CNTLN: variants seen among roughly 807,000 people sequenced by gnomAD.
CNTLN encodes centlein, centrosomal protein.
CNTLN carries 212 observed loss-of-function variants against 180.0 expected under a neutral mutation model. That is an observed-to-expected ratio of 1.18 (90% CI 1.05 to 1.32). The LOEUF (loss-of-function observed/expected upper bound fraction) is 1.32, where lower values mean the gene tolerates loss of function less well. CNTLN is among the 40% of genes most tolerant of loss of function. The pLI, the probability that CNTLN is intolerant of heterozygous loss-of-function variation, is 0.00. For missense variants in CNTLN, 2,095 were observed against 1,610.9 expected, an observed-to-expected ratio of 1.30 and a Z score of -5.14; for synonymous variants, 722 against 563.1, an observed-to-expected ratio of 1.28 and a Z score of -3.99.
At chr9:17,258,096 T>A (rs1470086967) in intron 5 of CNTLN, among the ~76,000 whole-genome samples, 1 of 149,658 alleles carries the variant, frequency 6.7e-6, no homozygotes, top group South Asian at 2.1e-4. Context: ...TCTTCTAGGG[T>A]TTTTATGGTT....
intron 6 of CNTLN, 94 bp from the exon 7 acceptor site, chr9:17,298,096 C>T (rs746290514): frequency 9.3e-7 from 1 of 1,074,592 alleles, no homozygotes; most frequent in Admixed American, 3.0e-5. Context: ...AGATGCAAAA[C>T]AGGATGCCAA....
chr9:17,340,999 AG>A (rs1821439288), intron 11 of CNTLN, 51 bp downstream of exon 11: 2 of 1,537,874 alleles, frequency 1.3e-6, no homozygotes, highest in African/African-American at 2.8e-5. Flanking sequence ...AATGGAATGG[AG>A]TAGCATTATA....
At chr9:17,327,469 C>T (rs2133088867) in intron 8 of CNTLN, among the ~76,000 whole-genome samples, 1 of 149,428 alleles carries the variant, frequency 6.7e-6, no homozygotes, top group South Asian at 2.2e-4. Context: ...CAGGCATGAG[C>T]CACCGCACCC....
intron 2 of CNTLN, among the ~76,000 whole-genome samples, chr9:17,208,726 T>C (rs1364844113): frequency 6.6e-6 from 1 of 152,296 alleles, no homozygotes; most frequent in South Asian, 2.1e-4. Flanking sequence ...TTATTTGTTC[T>C]AGATTTTCCA....
At chr9:17,268,810 C>T (rs537134521) in intron 5 of CNTLN, among the ~76,000 whole-genome samples, 52 of 151,746 alleles carry the variant, frequency 3.4e-4, no homozygotes, top group African/African-American at 1.1e-3. Context: ...TAGCAATCAG[C>T]GAGACTCTGT....
chr9:17,342,280 A>T (rs1271085766), intron 11 of CNTLN, 45 bp from the exon 12 acceptor site: 2 of 1,572,976 alleles, frequency 1.3e-6, no homozygotes, highest in African/African-American at 2.7e-5. Flanking sequence ...TTTTTATTGC[A>T]CTTCAGACAT....
intron 12 of CNTLN, among the ~76,000 whole-genome samples, chr9:17,355,821 T>A (rs532354441): frequency 6.6e-6 from 1 of 152,188 alleles, no homozygotes; most frequent in South Asian, 2.1e-4. Flanking sequence ...TCCCAGCACT[T>A]TGGGAGGCTG....
chr9:17,427,635 T>G (rs1310633311), intron 18 of CNTLN, among the ~76,000 whole-genome samples: 1 of 152,176 alleles, frequency 6.6e-6, no homozygotes, highest in Non-Finnish European at 1.5e-5. Flanking sequence ...CAATTCCTTT[T>G]CCCACTTAAT....
chr9:17,515,329 G>A, the CNTLN span, among the ~76,000 whole-genome samples: 3 of 152,008 alleles, frequency 2.0e-5, no homozygotes, highest in Admixed American at 6.5e-5. Flanking sequence ...GGTACTACCA[G>A]GCTCACTTTT....
At chr9:17,442,381 A>G (rs1158521233) in intron 18 of CNTLN, among the ~76,000 whole-genome samples, 2 of 152,166 alleles carry the variant, frequency 1.3e-5, no homozygotes, top group South Asian at 2.1e-4. Flanking sequence ...AAAATCCACA[A>G]ATGTGTAGAA....
intron 2 of CNTLN, among the ~76,000 whole-genome samples, chr9:17,160,549 A>G (rs1819608721): frequency 6.6e-6 from 1 of 152,202 alleles, no homozygotes; most frequent in Admixed American, 6.5e-5. Flanking sequence ...ACTCAAATTT[A>G]GTAATTCCTC....
At chr9:17,406,909 T>C (rs1281120580) in intron 15 of CNTLN, among the ~76,000 whole-genome samples, 2 of 151,684 alleles carry the variant, frequency 1.3e-5, no homozygotes, top group Non-Finnish European at 2.9e-5. Context: ...ACAGTTTGTT[T>C]TGAGAGTGTC....
At chr9:17,411,023 C>A (rs1827804293) in intron 16 of CNTLN, among the ~76,000 whole-genome samples, 1 of 149,632 alleles carries the variant, frequency 6.7e-6, no homozygotes, top group African/African-American at 2.6e-5. Flanking sequence ...TTAAGTTCTA[C>A]AAAAACTTTT....
At chr9:17,490,092 A>G (rs1375774631) in intron 25 of CNTLN, among the ~76,000 whole-genome samples, 1 of 152,176 alleles carries the variant, frequency 6.6e-6, no homozygotes, top group Non-Finnish European at 1.5e-5. Context: ...GGGAGAAAAG[A>G]TAGAAATAGG....
chr9:17,266,261 T>G (rs201496432), intron 5 of CNTLN, among the ~76,000 whole-genome samples: 3 of 152,132 alleles, frequency 2.0e-5, no homozygotes, highest in East Asian at 1.9e-4. Flanking sequence ...TGGTTTCAAA[T>G]AACATCTTTA....
chr9:17,365,605 T>G (rs1339722669), intron 12 of CNTLN, among the ~76,000 whole-genome samples: 1 of 152,196 alleles, frequency 6.6e-6, no homozygotes, highest in Non-Finnish European at 1.5e-5. Context: ...CATTCTTGTT[T>G]TCAGTGTTAT....
chr9:17,236,419 A>G lies in CNTLN; in HGVS notation c.680A>G (p.Glu227Gly). The change falls in exon 5 of 26, where the codon GAG (glutamate) becomes GGG (glycine). Residue 227 changes from glutamate to glycine, a missense_variant. By Grantham distance (98) the Glu-to-Gly change is moderately conservative. Transcript: ENST00000380647. ...DKSQEIKDTK[E>G]CVQNKEEQNR... is the part of the protein sequence containing the mutation. ...GGTACTGTTCTACAGGACACTAAGG[A>G]GTGTGTACAGAACAAAGAAGAGCAA... 6.2e-7 allele frequency: 1 copy of G among 1,608,712 alleles called. No homozygotes were observed. Among genetic ancestry groups the G allele is most frequent in the South Asian group, 1.1e-5 (1 of 90,238 alleles).
chr9:17,252,410 A>G (rs1025027409), intron 5 of CNTLN, among the ~76,000 whole-genome samples: 7 of 151,638 alleles, frequency 4.6e-5, no homozygotes, highest in Non-Finnish European at 1.0e-4. Flanking sequence ...TACATCTGTT[A>G]TTTTCTGTCC....
At chr9:17,469,345 A>G (rs1166272948) in intron 23 of CNTLN, among the ~76,000 whole-genome samples, 2 of 151,754 alleles carry the variant, frequency 1.3e-5, no homozygotes, top group African/African-American at 2.4e-5. Context: ...GCCAACATAT[A>G]GTTGCTATTG....
Sources: gnomAD v4.1 joint callset for allele counts (sites outside exome capture counted in the v4.1 genomes callset) on GRCh38, gnomAD v4.1.1 for gene constraint, MANE v1.5 for transcripts, NCBI Gene and HGNC (gene_info 2026-07-23, HGNC 2026-07-21) for gene names.